Variants in PHF3 observed in about 807,000 individuals in gnomAD.
The protein encoded by PHF3 is PHD finger protein 3.
PHF3 carries 41 observed loss-of-function variants against 178.4 expected under a neutral mutation model. That is an observed-to-expected ratio of 0.23 (90% CI 0.18 to 0.30). PHF3 has a LOEUF of 0.30. PHF3 is among the 10% of genes least tolerant of loss of function. PHF3 has a pLI of 1.00. For synonymous variants in PHF3, 842 were observed against 800.5 expected, an observed-to-expected ratio of 1.05 and a Z score of -0.88; for missense variants, 2,346 against 2,398.1, an observed-to-expected ratio of 0.98 and a Z score of 0.45.
intron 2 of PHF3, among the ~76,000 whole-genome samples, chr6:63,679,209 G>A (rs1377145912): frequency 6.6e-6 from 1 of 151,314 alleles, no homozygotes; most frequent in African/African-American, 2.4e-5. Flanking sequence ...TAGAATTACT[G>A]ATACATGTTG....
intron 4 of PHF3, among the ~76,000 whole-genome samples, chr6:63,689,066 A>C (rs1582084629): frequency 6.6e-6 from 1 of 152,362 alleles, no homozygotes; most frequent in Non-Finnish European, 1.5e-5. Flanking sequence ...TCCTAAAGAC[A>C]GTAGACCCTT....
chr6:63,650,121 T>C (rs1474944005), intron 2 of PHF3, among the ~76,000 whole-genome samples: 2 of 152,220 alleles, frequency 1.3e-5, no homozygotes, highest in Non-Finnish European at 2.9e-5. Flanking sequence ...ATCTTTAGTT[T>C]TTACAATATA....
Position 63,721,878 on chromosome 6 carries a change from G to T in PHF3, c.*8170G>T. The T allele has an allele frequency of 1.5e-6, 2 of 1,342,622 alleles. No individual in the cohort carries two copies. Among genetic ancestry groups the T allele is most frequent in the Admixed American group, 2.7e-5 (1 of 37,118 alleles). The allele number at this position is 1,342,622 out of a possible 1,614,324, so 83.2% of individuals were successfully genotyped here. A position where few individuals can be genotyped will look rare whatever the true frequency, so the allele number is the denominator to read the frequency against. On this transcript the variant is annotated 3_prime_UTR_variant, in exon 16 of 16. Transcript: ENST00000262043. ...ACTTTTGCTGTTTCTGGCCAAGTTG[G>T]ATAAGTTTTAGTTATGGGGAAAAAA...
At chr6:63,690,777 G>A (rs893110104) in intron 4 of PHF3, among the ~76,000 whole-genome samples, 2 of 152,046 alleles carry the variant, frequency 1.3e-5, no homozygotes, top group Non-Finnish European at 2.9e-5. Flanking sequence ...CCTAACCATG[G>A]GTTAAAAAGC....
chr6:63,662,302 A>G (rs1054161887), intron 2 of PHF3, among the ~76,000 whole-genome samples: 10 of 152,220 alleles, frequency 6.6e-5, no homozygotes, highest in Non-Finnish European at 1.3e-4. Flanking sequence ...AATAGACAGG[A>G]GAAGCTCCAC....
chr6:63,647,416 TAA>T (rs762062757), intron 2 of PHF3, among the ~76,000 whole-genome samples: 3 of 152,174 alleles, frequency 2.0e-5, no homozygotes, highest in Non-Finnish European at 2.9e-5. Context: ...AGATGTGCTA[TAA>T]AATGCACATT....
In PHF3 at chr6:63,722,292, C is replaced by CA; in HGVS notation, c.*8585dup. Among the ~76,000 whole-genome samples the CA allele has an allele frequency of 6.6e-6, 1 of 152,228 alleles. No homozygotes were observed. The highest frequency in any genetic ancestry group is 2.1e-4 in the South Asian group (1 of 4,828). ...CGCCTGTTTTCTAGGAACACTCCGC[C>CA]ACCCCATTCCACCTCAACTAGATAA... On this transcript the variant is annotated 3_prime_UTR_variant, in exon 16 of 16. Transcript: ENST00000262043.
intron 2 of PHF3, among the ~76,000 whole-genome samples, chr6:63,651,028 AGTT>A (rs1764997600): frequency 6.6e-6 from 1 of 152,066 alleles, no homozygotes; most frequent in Non-Finnish European, 1.5e-5. Context: ...GTTTATTATT[AGTT>A]GATTTTTTTA....
At chr6:63,693,639 G>A (rs1413076858) in intron 5 of PHF3, among the ~76,000 whole-genome samples, 1 of 152,088 alleles carries the variant, frequency 6.6e-6, no homozygotes, top group Middle Eastern at 3.2e-3. Flanking sequence ...ATCATAAAAC[G>A]TTAACAATTT....
chr6:63,650,416 A>C (rs1764973886), intron 2 of PHF3, among the ~76,000 whole-genome samples: 1 of 152,186 alleles, frequency 6.6e-6, no homozygotes, highest in Non-Finnish European at 1.5e-5. Context: ...CATATTGTGT[A>C]ATTGAGTATT....
intron 2 of PHF3, among the ~76,000 whole-genome samples, chr6:63,660,226 G>C (rs1424908224): frequency 6.6e-6 from 1 of 151,954 alleles, no homozygotes; most frequent in Non-Finnish European, 1.5e-5. Flanking sequence ...TGTTAATCTT[G>C]AATACCAGAG....
At position 63,712,712 on chromosome 6, in the gene PHF3, G is replaced by C. The variant is rs148345430; in HGVS notation, c.5124G>C (p.Ser1708=). 1.2e-6 allele frequency: 2 copies of C among 1,613,792 alleles called. No individual in the cohort carries two copies. The highest frequency in any genetic ancestry group is 1.3e-5 in the African/African-American group (1 of 74,876). Residue 1708 remains serine (S), a synonymous_variant, in exon 16 of 16, where the codon TCG becomes TCC. Transcript: ENST00000262043. ...AGTTGTGTTCTGCAGAGAAAAACTC[G>C]TGTGTTCAGCAGAGTGACAATTTAA... ...EEKLCSAEKN[S]CVQQSDNLKV... is the part of the protein sequence containing the mutation.
At chr6:63,700,768 G>T (rs1767439865) in intron 9 of PHF3, among the ~76,000 whole-genome samples, 1 of 152,160 alleles carries the variant, frequency 6.6e-6, no homozygotes, top group Non-Finnish European at 1.5e-5. Context: ...ATTTTTAGTA[G>T]AGGTGGGGTT....
chr6:63,673,692 G>C (rs892856348), intron 2 of PHF3, among the ~76,000 whole-genome samples: 12 of 152,114 alleles, frequency 7.9e-5, no homozygotes, highest in Non-Finnish European at 1.6e-4. Context: ...CAGGGTACCC[G>C]CCTGAGACTG....
chr6:63,640,899 TAG>T (rs1259306044), intron 1 of PHF3, among the ~76,000 whole-genome samples: 6 of 152,200 alleles, frequency 3.9e-5, no homozygotes, highest in African/African-American at 1.4e-4. Flanking sequence ...GTATGTTTAC[TAG>T]ATGCAAATAG....
Position 63,713,644 on chromosome 6 carries a change from A to G in PHF3, c.6056A>G (p.Glu2019Gly), listed in dbSNP as rs539314098. 2.5e-6 allele frequency: 4 copies of G among 1,611,602 alleles called. No homozygotes were observed. Among genetic ancestry groups the G allele is most frequent in the African/African-American group, 1.3e-5 (1 of 74,630 alleles). ...EREKSKHREG[E>G]KDRDRYHKDR... ...GAGAAAAGTAAACACAGAGAAGGAG[A>G]AAAGGACAGGGATAGGTACCACAAA... The change falls in exon 16 of 16, where the codon GAA becomes GGA. Residue 2019 changes from glutamate to glycine, a missense_variant. By Grantham distance (98) the Glu-to-Gly change is moderately conservative. Coordinates refer to ENST00000262043, the MANE Select transcript of PHF3 (RefSeq NM_001370348.2).
Position 63,659,352 on chromosome 6 carries a change from A to T in PHF3, c.244+12557A>T, listed in dbSNP as rs551753418. 4.6e-5 allele frequency among the ~76,000 whole-genome samples: 7 copies of T among 152,340 alleles called. No individual in the cohort carries two copies. In the East Asian group the frequency reaches 9.6e-4, roughly 21 times the overall value. On this transcript the variant is annotated intron_variant, in intron 2 of 15. Transcript: ENST00000262043. ...TATTCTTTGAACTGCTATTTTATAT[A>T]TGTTGTCATGAAACTAGTGTTAATC...
intron 5 of PHF3, among the ~76,000 whole-genome samples, chr6:63,692,816 A>C (rs910848026): frequency 6.6e-6 from 1 of 152,164 alleles, no homozygotes; most frequent in Non-Finnish European, 1.5e-5. Context: ...TTAAGCATCT[A>C]ATTGTCAGAA....
rs1768308279 is a variant in PHF3 at position 63,719,959 on chromosome 6, T to TTAC, written c.*6251_*6252insTAC. 6.6e-6 allele frequency: 1 copy of TTAC among 152,090 alleles called. No homozygotes were observed. Among genetic ancestry groups the TTAC allele is most frequent in the South Asian group, 2.1e-4 (1 of 4,834 alleles). 9.4% of individuals were successfully genotyped at this position (152,090 alleles called of 1,614,324 possible). On this transcript the variant is annotated 3_prime_UTR_variant, in exon 16 of 16. Coordinates refer to ENST00000262043, the MANE Select transcript of PHF3 (RefSeq NM_001370348.2). ...ATGTTTTAAGTTGCACATATTGTAA[T>TTAC]ATCTATTGATGTCTTACTATAAAAG...
Sources: allele counts gnomAD v4.1 joint callset (sites outside exome capture counted in the v4.1 genomes callset), GRCh38; gene constraint gnomAD v4.1.1; transcripts MANE v1.5; gene names NCBI Gene and HGNC (gene_info 2026-07-23, HGNC 2026-07-21).